RIMS2: variants seen among roughly 807,000 people sequenced by gnomAD.
The protein encoded by RIMS2 is regulating synaptic membrane exocytosis 2.
Under a neutral mutation model 174.4 loss-of-function variants are expected in RIMS2, and 59 were observed. The observed-to-expected ratio is 0.34, with a 90% confidence interval of 0.27 to 0.42. The LOEUF is 0.42. Among genes scored for constraint, RIMS2 ranks in the 10% least tolerant of loss-of-function variants. The probability of loss-of-function intolerance (pLI) is 1.00; values close to 1 mark genes in which losing one functional copy is unlikely to be tolerated. For synonymous variants in RIMS2, 606 were observed against 572.5 expected, an observed-to-expected ratio of 1.06 and a Z score of -0.84; for missense variants, 1,620 against 1,666.3, an observed-to-expected ratio of 0.97 and a Z score of 0.48.
intron 1 of RIMS2, among the ~76,000 whole-genome samples, chr8:103,534,925 A>C (rs1028537085): frequency 6.6e-6 from 1 of 152,248 alleles, no homozygotes; most frequent in East Asian, 1.9e-4. Flanking sequence ...GATTTAGGCC[A>C]GTAAAAAATA....
At chr8:104,251,042 A>G in exon 23 of RIMS2, 2 of 1,613,414 alleles carry the variant, frequency 1.2e-6, no homozygotes, top group Non-Finnish European at 1.7e-6. Context: ...GTAAAAGTGT[A>G]TCTATTAGAT....
At chr8:103,590,855 G>C (rs569308909) in intron 1 of RIMS2, among the ~76,000 whole-genome samples, 1 of 151,052 alleles carries the variant, frequency 6.6e-6, no homozygotes, top group Non-Finnish European at 1.5e-5. Context: ...TGTGGTTCTT[G>C]TTGAAGTGTT....
chr8:104,051,524 G>T (rs1292031480), intron 19 of RIMS2, among the ~76,000 whole-genome samples: 1 of 151,876 alleles, frequency 6.6e-6, no homozygotes, highest in African/African-American at 2.4e-5. Flanking sequence ...TCCAAGGTTG[G>T]GTTCATAGGG....
intron 19 of RIMS2, among the ~76,000 whole-genome samples, chr8:104,228,930 G>A (rs889380219): frequency 2.6e-5 from 4 of 152,176 alleles, no homozygotes; most frequent in African/African-American, 9.6e-5. Flanking sequence ...AGTAAATTGA[G>A]TAACAGTTCC....
intron 19 of RIMS2, among the ~76,000 whole-genome samples, chr8:104,090,871 G>A (rs4305866): frequency 0.24 from 35,670 of 151,574 alleles, 4,498 homozygotes; most frequent in African/African-American, 0.33. Flanking sequence ...TAGTCTTAAT[G>A]TATTTATTAA....
At chr8:103,700,672 T>A (rs534884265) in intron 2 of RIMS2, among the ~76,000 whole-genome samples, 2 of 151,994 alleles carry the variant, frequency 1.3e-5, no homozygotes, top group Non-Finnish European at 2.9e-5. Flanking sequence ...CCTTGCTTTT[T>A]TGATTTTGTC....
chr8:104,104,268 G>A (rs1234452728), intron 19 of RIMS2, among the ~76,000 whole-genome samples: 4 of 152,166 alleles, frequency 2.6e-5, no homozygotes, highest in Non-Finnish European at 5.9e-5. Flanking sequence ...AAATTAAAGG[G>A]TTGTTGAATA....
intron 1 of RIMS2, among the ~76,000 whole-genome samples, chr8:103,657,791 G>T (rs1481248251): frequency 6.6e-6 from 1 of 152,168 alleles, no homozygotes; most frequent in African/African-American, 2.4e-5. Context: ...GTTCTGACTG[G>T]TTGATACAGC....
At chr8:103,555,669 T>C (rs1212401483) in intron 1 of RIMS2, among the ~76,000 whole-genome samples, 1 of 151,996 alleles carries the variant, frequency 6.6e-6, no homozygotes, top group African/African-American at 2.4e-5. Context: ...TGGTGGTTAA[T>C]GCTGGTAATC....
intron 19 of RIMS2, among the ~76,000 whole-genome samples, chr8:104,230,303 T>G (rs1461887692): frequency 6.9e-6 from 1 of 143,940 alleles, no homozygotes; most frequent in Non-Finnish European, 1.6e-5. Context: ...AAATAGGTTT[T>G]GTTTAAATGA....
At chr8:104,076,821 CTTTT>C in intron 19 of RIMS2, among the ~76,000 whole-genome samples, 2 of 140,362 alleles carry the variant, frequency 1.4e-5, no homozygotes, top group Middle Eastern at 7.3e-3. Context: ...TTTCTTTTAT[CTTTT>C]TTTTTTTTTT....
chr8:104,091,928 T>C (rs949336349), intron 19 of RIMS2, among the ~76,000 whole-genome samples: 2 of 151,708 alleles, frequency 1.3e-5, no homozygotes, highest in African/African-American at 4.8e-5. Flanking sequence ...ATTGTATGCT[T>C]TTCAATAATT....
At chr8:103,508,074 T>A (rs1824558450) in intron 1 of RIMS2, among the ~76,000 whole-genome samples, 1 of 152,152 alleles carries the variant, frequency 6.6e-6, no homozygotes, top group Non-Finnish European at 1.5e-5. Context: ...TATTACATGG[T>A]GTCACATAGT....
At chr8:103,672,685 C>T (rs1166343430) in intron 1 of RIMS2, among the ~76,000 whole-genome samples, 1 of 151,964 alleles carries the variant, frequency 6.6e-6, no homozygotes, top group African/African-American at 2.4e-5. Flanking sequence ...TATACTAGGC[C>T]TCACCTCCAG....
chr8:104,206,581 T>G (rs1421691600), intron 19 of RIMS2, among the ~76,000 whole-genome samples: 1 of 152,224 alleles, frequency 6.6e-6, no homozygotes, highest in Non-Finnish European at 1.5e-5. Flanking sequence ...GTATTCACTG[T>G]TAAATGAAGT....
chr8:103,744,202 C>A (rs568241853), intron 2 of RIMS2, among the ~76,000 whole-genome samples: 3 of 152,078 alleles, frequency 2.0e-5, no homozygotes, highest in African/African-American at 7.2e-5. Context: ...TGCGCCACCA[C>A]GCCTAGCTAA....
At chr8:103,912,134 A>G (rs2075788630) in exon 6 of RIMS2, 1 of 1,608,138 alleles carries the variant, frequency 6.2e-7, no homozygotes, top group East Asian at 2.2e-5. Context: ...AAAAGATGGA[A>G]GTGTACCTCG....
At chr8:103,526,636 G>A (rs370294618) in intron 1 of RIMS2, among the ~76,000 whole-genome samples, 1 of 152,078 alleles carries the variant, frequency 6.6e-6, no homozygotes, top group Non-Finnish European at 1.5e-5. Context: ...ACTGAAAAAG[G>A]TAATAAATGA....
At chr8:104,187,542 CTA>C (rs1377976267) in intron 19 of RIMS2, among the ~76,000 whole-genome samples, 2 of 151,692 alleles carry the variant, frequency 1.3e-5, no homozygotes, top group Non-Finnish European at 3.0e-5. Context: ...AAATGTGACT[CTA>C]TTTTTGTTTA....
Sources: gnomAD v4.1 joint callset for allele counts (sites outside exome capture counted in the v4.1 genomes callset) on GRCh38, gnomAD v4.1.1 for gene constraint, MANE v1.5 for transcripts, NCBI Gene and HGNC (gene_info 2026-07-23, HGNC 2026-07-21) for gene names.